Variants in UGT1A10 observed in about 807,000 individuals in gnomAD.
The protein encoded by UGT1A10 is UDP glucuronosyltransferase family 1 member A10.
A neutral mutation model predicts 45.8 loss-of-function variants in UGT1A10; 49 were observed. The observed-to-expected ratio is 1.07, with a 90% confidence interval of 0.85 to 1.36. UGT1A10 has a LOEUF of 1.36. Ranked by LOEUF, UGT1A10 falls within the 40% of genes most tolerant of loss-of-function variation. The probability of loss-of-function intolerance (pLI) is 0.00; values close to 1 mark genes in which losing one functional copy is unlikely to be tolerated. For missense variants in UGT1A10, 745 were observed against 668.6 expected (o/e 1.11, Z -1.26); for synonymous variants, 284 against 249.7 (o/e 1.14, Z -1.29).
At position 233,729,614 on chromosome 2, in the gene UGT1A10, A is replaced by C. The variant is rs775324088; in HGVS notation, c.856-37420A>C. 2.4e-5 allele frequency: 39 copies of C among 1,613,890 alleles called. No individual in the cohort carries two copies. Among genetic ancestry groups the C allele is most frequent in the Non-Finnish European group, 3.2e-5 (38 of 1,179,900 alleles). On this transcript the variant is annotated intron_variant, in intron 1 of 4. Transcript: ENST00000344644. Reference sequence around the variant, plus strand: ...AACCTCTGCGCGGCAGTGCTGGCTAAGTACCTGTCGATTCCTACTGTGTTT... The same window carrying C: ...AACCTCTGCGCGGCAGTGCTGGCTACGTACCTGTCGATTCCTACTGTGTTT...
intron 1 of UGT1A10, chr2:233,760,795 T>C (rs1035248479): frequency 1.2e-5 from 19 of 1,613,472 alleles, no homozygotes; most frequent in Non-Finnish European, 1.5e-5. Context: ...GCCCACTGTA[T>C]TCTTCTTGCA....
At chr2:233,647,498 G>A (rs886880951) in intron 1 of UGT1A10, among the ~76,000 whole-genome samples, 1 of 152,190 alleles carries the variant, frequency 6.6e-6, no homozygotes, top group Non-Finnish European at 1.5e-5. Flanking sequence ...ATTTATCAGT[G>A]AAGTCATCAG....
intron 1 of UGT1A10, chr2:233,692,720 C>T (rs781721016): frequency 3.3e-5 from 27 of 821,782 alleles, no homozygotes; most frequent in Admixed American, 3.3e-4. Flanking sequence ...CAAAGTGTTG[C>T]TATAACTTTT....
At chr2:233,742,146 G>A (rs1312882014) in intron 1 of UGT1A10, among the ~76,000 whole-genome samples, 1 of 151,928 alleles carries the variant, frequency 6.6e-6, no homozygotes, top group Admixed American at 6.5e-5. Context: ...AGCAGCGCTA[G>A]ACGAATTAAA....
chr2:233,709,869 A>G (rs367805568), intron 1 of UGT1A10, among the ~76,000 whole-genome samples: 2 of 152,200 alleles, frequency 1.3e-5, no homozygotes, highest in African/African-American at 4.8e-5. Flanking sequence ...GCACTCCATT[A>G]CCCAGTAACT....
At chr2:233,654,734 T>G (rs1300461063) in intron 1 of UGT1A10, among the ~76,000 whole-genome samples, 3 of 152,192 alleles carry the variant, frequency 2.0e-5, no homozygotes. Context: ...CACAACGAGC[T>G]GCAAACCACA....
chr2:233,690,158 A>C (rs568795878), intron 1 of UGT1A10, among the ~76,000 whole-genome samples: 13 of 152,348 alleles, frequency 8.5e-5, no homozygotes, highest in African/African-American at 2.9e-4. Flanking sequence ...ATTCATTGAC[A>C]TGTAGTTATG....
At chr2:233,638,441 A>T (rs1242564914) in intron 1 of UGT1A10, among the ~76,000 whole-genome samples, 1 of 152,200 alleles carries the variant, frequency 6.6e-6, no homozygotes, top group East Asian at 1.9e-4. Context: ...ATACAATACC[A>T]TCTGCAAGTA....
At chr2:233,717,293 A>G (rs2076562605) in intron 1 of UGT1A10, among the ~76,000 whole-genome samples, 1 of 152,182 alleles carries the variant, frequency 6.6e-6, no homozygotes, top group Admixed American at 6.5e-5. Context: ...TTGCACCCAC[A>G]GCTGAGAATC....
intron 1 of UGT1A10, among the ~76,000 whole-genome samples, chr2:233,704,312 T>C (rs1316251379): frequency 6.7e-6 from 1 of 150,322 alleles, no homozygotes; most frequent in Non-Finnish European, 1.5e-5. Flanking sequence ...GTAAAATCCT[T>C]TAATGTTTTT....
At chr2:233,693,982 G>T (rs2075192875) in intron 1 of UGT1A10, 9 of 1,554,596 alleles carry the variant, frequency 5.8e-6, no homozygotes, top group Non-Finnish European at 7.8e-6. Context: ...AACGGTGGGG[G>T]GAAGTGATAC....
At chr2:233,665,733 A>G (rs751067199) in intron 1 of UGT1A10, among the ~76,000 whole-genome samples, 1 of 152,222 alleles carries the variant, frequency 6.6e-6, no homozygotes, top group Non-Finnish European at 1.5e-5. Flanking sequence ...GCAAAAATAT[A>G]ATAATATACA....
chr2:233,753,155 C>G (rs1695142736), intron 1 of UGT1A10: 2 of 152,204 alleles, frequency 1.3e-5, no homozygotes, highest in South Asian at 4.1e-4. Context: ...TGTAAGTTCC[C>G]TTATCCGGAT....
At chr2:233,713,377 T>C (rs866828626) in intron 1 of UGT1A10, 3 of 1,614,038 alleles carry the variant, frequency 1.9e-6, no homozygotes, top group Middle Eastern at 1.6e-4. Context: ...AGGTCTTGTG[T>C]GGAGCTACTG....
chr2:233,711,404 C>T (rs45498502), intron 1 of UGT1A10, among the ~76,000 whole-genome samples: 3,771 of 152,318 alleles, frequency 0.025, 67 homozygotes, highest in East Asian at 0.044. Flanking sequence ...ACCCTCACCC[C>T]GGGCTCATCA....
At chr2:233,747,140 A>G (rs1693571344) in intron 1 of UGT1A10, 1 of 1,552,350 alleles carries the variant, frequency 6.4e-7, no homozygotes, top group Admixed American at 1.8e-5. Context: ...GTGACAAGGT[A>G]ATTAAGATGA....
At chr2:233,760,261 C>T (rs2125981397) in intron 1 of UGT1A10, 4 of 1,611,118 alleles carry the variant, frequency 2.5e-6, no homozygotes, top group South Asian at 1.1e-5. Flanking sequence ...TAGGAGAGGG[C>T]GAACCTCTGG....
intron 1 of UGT1A10, chr2:233,753,507 T>C (rs1224200791): frequency 6.6e-6 from 1 of 152,242 alleles, no homozygotes; most frequent in African/African-American, 2.4e-5. Context: ...TCAGCCTGTC[T>C]AGTTGTTGCC....
chr2:233,693,809 C>T, intron 1 of UGT1A10: 1 of 1,614,184 alleles, frequency 6.2e-7, no homozygotes, highest in South Asian at 1.1e-5. Context: ...GCCGGTCATG[C>T]CCAACATGGT....
Sources: allele counts gnomAD v4.1 joint callset (sites outside exome capture counted in the v4.1 genomes callset), GRCh38; gene constraint gnomAD v4.1.1; transcripts MANE v1.5; gene names NCBI Gene and HGNC (gene_info 2026-07-23, HGNC 2026-07-21).